Variants in SYNDIG1L observed in about 807,000 individuals in gnomAD.
The protein encoded by SYNDIG1L is synapse differentiation inducing 1 like.
In SYNDIG1L, 13 loss-of-function variants were observed where a neutral mutation model predicts 20.1. That is an observed-to-expected ratio of 0.65 (90% CI 0.42 to 1.03). The LOEUF is 1.03. Ranked by LOEUF, SYNDIG1L falls within the 50% of genes least tolerant of loss-of-function variation. SYNDIG1L has a pLI of 0.00. For synonymous variants in SYNDIG1L, 128 were observed against 129.3 expected (o/e 0.99, Z 0.07); for missense variants, 294 against 305.1 (o/e 0.96, Z 0.27).
At chr14:74,450,681 G>A in the SYNDIG1L span, among the ~76,000 whole-genome samples, 1 of 152,156 alleles carries the variant, frequency 6.6e-6, no homozygotes, top group South Asian at 2.1e-4. Context: ...GACATTTATT[G>A]TAAAGACAAT....
the SYNDIG1L span, among the ~76,000 whole-genome samples, chr14:74,467,953 C>CG: frequency 6.6e-6 from 1 of 151,474 alleles, no homozygotes; most frequent in African/African-American, 2.4e-5. Flanking sequence ...TCCCAAGGTC[C>CG]GGGGGGATCT....
chr14:74,413,914 C>G (rs762760950), intron 1 of SYNDIG1L, among the ~76,000 whole-genome samples: 14 of 152,206 alleles, frequency 9.2e-5, no homozygotes, highest in Non-Finnish European at 1.5e-4. Flanking sequence ...TCATACTCAC[C>G]CCATATCCTA....
the SYNDIG1L span, among the ~76,000 whole-genome samples, chr14:74,444,389 AT>A: frequency 6.6e-6 from 1 of 152,062 alleles, no homozygotes; most frequent in Non-Finnish European, 1.5e-5. Flanking sequence ...TATAAGTTCA[AT>A]TTTTACAATA....
In SYNDIG1L at chr14:74,406,860, G is replaced by A. The variant is rs1366889205; in HGVS notation, c.*675C>T. 2 of 152,376 alleles carry A rather than the reference G, an allele frequency of 1.3e-5. No homozygotes were observed. The highest frequency in any genetic ancestry group is 2.1e-4 in the South Asian group (1 of 4,838). The allele number at this position is 152,376 out of a possible 1,614,324, so 9.4% of individuals were successfully genotyped here. A position where few individuals can be genotyped will look rare whatever the true frequency, so the allele number is the denominator to read the frequency against. ...CAACTGCCTTTTGCACCCGCATGAAGAAGCTCCAAGAACCTGCCCTTGGTT... is the reference window on the plus strand; with the variant it reads ...CAACTGCCTTTTGCACCCGCATGAAAAAGCTCCAAGAACCTGCCCTTGGTT... On this transcript the variant is annotated 3_prime_UTR_variant, in exon 4 of 4. Transcript: ENST00000331628.
At chr14:74,440,845 A>G in the SYNDIG1L span, among the ~76,000 whole-genome samples, 1 of 152,226 alleles carries the variant, frequency 6.6e-6, no homozygotes, top group South Asian at 2.1e-4. Flanking sequence ...ACATAGATAT[A>G]GCTGTTTGTT....
chr14:74,458,168 A>C, the SYNDIG1L span, among the ~76,000 whole-genome samples: 1 of 152,060 alleles, frequency 6.6e-6, no homozygotes, highest in Non-Finnish European at 1.5e-5. Context: ...TCATTTATAA[A>C]ATGGAGCTGT....
At chr14:74,467,546 A>G in the SYNDIG1L span, among the ~76,000 whole-genome samples, 1 of 152,318 alleles carries the variant, frequency 6.6e-6, no homozygotes, top group African/African-American at 2.4e-5. Flanking sequence ...TGCCTTTTGC[A>G]GGAGGTGGCA....
At chr14:74,449,801 T>C in the SYNDIG1L span, among the ~76,000 whole-genome samples, 20 of 151,812 alleles carry the variant, frequency 1.3e-4, 1 homozygote, top group Non-Finnish European at 1.9e-4. Flanking sequence ...AGTCTCAAAA[T>C]GATGATCTCA....
chr14:74,409,016 G>C (rs535756956), intron 2 of SYNDIG1L, among the ~76,000 whole-genome samples: 1 of 151,694 alleles, frequency 6.6e-6, no homozygotes. Context: ...CTTAGATCTC[G>C]ATATCTGGTG....
At chr14:74,444,232 G>A in the SYNDIG1L span, among the ~76,000 whole-genome samples, 1 of 151,768 alleles carries the variant, frequency 6.6e-6, no homozygotes, top group African/African-American at 2.4e-5. Flanking sequence ...GCTAATTTTT[G>A]TACTTTTAGT....
At chr14:74,442,263 A>G in the SYNDIG1L span, among the ~76,000 whole-genome samples, 3 of 152,214 alleles carry the variant, frequency 2.0e-5, no homozygotes, top group Non-Finnish European at 4.4e-5. Context: ...CCTGAATAAT[A>G]ATATTAACAA....
the SYNDIG1L span, chr14:74,474,040 T>A: frequency 1.3e-5 from 2 of 152,176 alleles, no homozygotes; most frequent in Non-Finnish European, 1.5e-5. Flanking sequence ...GGGATCTAAG[T>A]AGGAAAATCC....
At chr14:74,419,385 A>T (rs1187304877) in intron 1 of SYNDIG1L, among the ~76,000 whole-genome samples, 1 of 152,196 alleles carries the variant, frequency 6.6e-6, no homozygotes, top group Non-Finnish European at 1.5e-5. Context: ...GGCACTCAAT[A>T]GACAGTGGAT....
chr14:74,422,297 T>A (rs1290497143), intron 1 of SYNDIG1L, among the ~76,000 whole-genome samples: 1 of 151,974 alleles, frequency 6.6e-6, no homozygotes, highest in East Asian at 1.9e-4. Context: ...GGACTTGACA[T>A]AAACGGCGGG....
At chr14:74,428,085 C>G (rs923070263), upstream of SYNDIG1L, among the ~76,000 whole-genome samples, 2 of 152,260 alleles carry the variant, frequency 1.3e-5, no homozygotes, top group Admixed American at 1.3e-4. Context: ...GGTGTTGTAT[C>G]AAGGGCCCTG....
the SYNDIG1L span, chr14:74,476,387 G>T: frequency 1.3e-6 from 1 of 775,904 alleles, no homozygotes; most frequent in Non-Finnish European, 2.2e-6. Context: ...TCTGCCTGCT[G>T]GCTGCTTATC....
At chr14:74,458,599 G>A in the SYNDIG1L span, among the ~76,000 whole-genome samples, 4 of 142,672 alleles carry the variant, frequency 2.8e-5, no homozygotes, top group Non-Finnish European at 5.9e-5. Flanking sequence ...TCCAGCCCAG[G>A]TGACAGAGCA....
At chr14:74,443,856 AG>A in the SYNDIG1L span, among the ~76,000 whole-genome samples, 1 of 152,024 alleles carries the variant, frequency 6.6e-6, no homozygotes, top group African/African-American at 2.4e-5. Context: ...GTGAGGGGTC[AG>A]GGGGATGACT....
intron 1 of SYNDIG1L, among the ~76,000 whole-genome samples, chr14:74,412,076 C>A (rs2086135634): frequency 6.6e-6 from 1 of 152,230 alleles, no homozygotes; most frequent in Non-Finnish European, 1.5e-5. Context: ...AGACTTGGAT[C>A]ATAGTTCTTC....
Sources: allele counts gnomAD v4.1 joint callset (sites outside exome capture counted in the v4.1 genomes callset), GRCh38; gene constraint gnomAD v4.1.1; transcripts MANE v1.5; gene names NCBI Gene and HGNC (gene_info 2026-07-23, HGNC 2026-07-21).